GALNT13: variants seen among roughly 807,000 people sequenced by gnomAD.
GALNT13 encodes UDP-GalNAc:polypeptide N-acetylgalactosaminyltransferase 13.
In GALNT13, 28 loss-of-function variants were observed where a neutral mutation model predicts 64.2. The ratio of observed to expected loss-of-function variants is 0.44; its 90% CI spans 0.32 to 0.60. The LOEUF is 0.60. GALNT13 is among the 20% of genes least tolerant of loss of function. The pLI, the probability that GALNT13 is intolerant of heterozygous loss-of-function variation, is 0.05. For synonymous variants in GALNT13, 214 were observed against 224.6 expected (o/e 0.95, Z 0.42); for missense variants, 577 against 669.8 (o/e 0.86, Z 1.53).
chr2:153,360,579 C>A, the GALNT13 span, among the ~76,000 whole-genome samples: 1 of 152,190 alleles, frequency 6.6e-6, no homozygotes. Flanking sequence ...TTCCCCACAG[C>A]CCAACACACC....
At chr2:153,463,514 A>G in the GALNT13 span, among the ~76,000 whole-genome samples, 1 of 152,046 alleles carries the variant, frequency 6.6e-6, no homozygotes, top group South Asian at 2.1e-4. Flanking sequence ...TCACTAAGTG[A>G]GCCTGCAGAA....
the GALNT13 span, among the ~76,000 whole-genome samples, chr2:153,498,180 T>C: frequency 6.6e-6 from 1 of 152,274 alleles, no homozygotes; most frequent in Non-Finnish European, 1.5e-5. Context: ...TGGAATCACA[T>C]GGTCACCTGA....
the GALNT13 span, among the ~76,000 whole-genome samples, chr2:153,824,158 C>G: frequency 1.3e-5 from 2 of 151,330 alleles, no homozygotes; most frequent in African/African-American, 4.9e-5. Context: ...AGGCTATACA[C>G]TGTATATATA....
chr2:153,325,981 G>A, the GALNT13 span, among the ~76,000 whole-genome samples: 320 of 152,246 alleles, frequency 2.1e-3, 2 homozygotes, highest in African/African-American at 7.3e-3. Context: ...CTGTTGATTT[G>A]GGGTGGAGAG....
the GALNT13 span, among the ~76,000 whole-genome samples, chr2:153,212,437 A>G: frequency 6.6e-6 from 1 of 152,200 alleles, no homozygotes; most frequent in South Asian, 2.1e-4. Context: ...ATACTTATCA[A>G]TTAAGTCAAA....
chr2:153,998,498 T>G (rs184810553), intron 3 of GALNT13, among the ~76,000 whole-genome samples: 97 of 152,312 alleles, frequency 6.4e-4, no homozygotes, highest in African/African-American at 2.2e-3. Context: ...ATTGTTTGTT[T>G]TATTCTTGTA....
chr2:154,027,117 TTTTTACCTATCTAAACAACTA>T (rs1232254045), intron 3 of GALNT13, among the ~76,000 whole-genome samples: 2 of 152,196 alleles, frequency 1.3e-5, no homozygotes, highest in Non-Finnish European at 2.9e-5. Context: ...TATCATATTC[TTTTTACCTATCTAAACAACTA>T]TTTTACCTAT....
At chr2:153,505,038 G>A in the GALNT13 span, among the ~76,000 whole-genome samples, 4 of 152,026 alleles carry the variant, frequency 2.6e-5, no homozygotes, top group South Asian at 6.2e-4. Flanking sequence ...CAATTTTTTA[G>A]TTCCCATTTC....
the GALNT13 span, among the ~76,000 whole-genome samples, chr2:153,651,167 A>G: frequency 2.0e-5 from 3 of 152,210 alleles, no homozygotes; most frequent in Non-Finnish European, 2.9e-5. Context: ...ACCACAATAA[A>G]GTAACATTTG....
At chr2:153,868,598 G>C (rs1202059352), upstream of GALNT13, among the ~76,000 whole-genome samples, 1 of 152,138 alleles carries the variant, frequency 6.6e-6, no homozygotes, top group Non-Finnish European at 1.5e-5. Flanking sequence ...ATTTCAGCAA[G>C]ACATAACTAT....
chr2:153,640,283 C>G, the GALNT13 span, among the ~76,000 whole-genome samples: 2 of 152,108 alleles, frequency 1.3e-5, no homozygotes, highest in African/African-American at 4.8e-5. Context: ...ACTATTTCAT[C>G]CAGAGGTAAT....
At chr2:153,614,843 G>T in the GALNT13 span, among the ~76,000 whole-genome samples, 1 of 151,998 alleles carries the variant, frequency 6.6e-6, no homozygotes, top group South Asian at 2.1e-4. Flanking sequence ...GGAGTATTGG[G>T]CATCCATCCC....
In GALNT13 at chr2:154,154,867, CA is replaced by C. The variant is rs374241397; in HGVS notation, c.311+14366del. Among the ~76,000 whole-genome samples, 37 of 151,404 alleles carry C rather than the reference CA, an allele frequency of 2.4e-4. 1 individual carries two copies. The South Asian group carries it at 7.7e-3, about 31-fold the overall frequency. The stretch of plus-strand genomic sequence containing the variant: ...GTGACTTACTAGATATAAGGGAAGT[CA>C]AAATATGACTTTAATGTTTCAAATT... On this transcript the variant is annotated intron_variant, in intron 4 of 12. Coordinates refer to ENST00000392825, the MANE Select transcript of GALNT13 (RefSeq NM_052917.4).
the GALNT13 span, among the ~76,000 whole-genome samples, chr2:153,427,952 T>A: frequency 2.6e-5 from 4 of 152,212 alleles, no homozygotes; most frequent in African/African-American, 2.4e-5. Context: ...GTTAAGTGAA[T>A]AAATAAGTTT....
At chr2:153,123,153 CAGAGGCAGAGACAGGAG>C in the GALNT13 span, among the ~76,000 whole-genome samples, 3 of 152,212 alleles carry the variant, frequency 2.0e-5, no homozygotes, top group Non-Finnish European at 4.4e-5. Flanking sequence ...CATACAAAGA[CAGAGGCAGAGACAGGAG>C]AGATGCATCT....
chr2:153,759,921 A>T, the GALNT13 span, among the ~76,000 whole-genome samples: 1 of 152,112 alleles, frequency 6.6e-6, no homozygotes, highest in South Asian at 2.1e-4. Flanking sequence ...AAGCCATCAG[A>T]TCCTGAACAT....
At chr2:154,266,245 C>T (rs988912405) in intron 8 of GALNT13, among the ~76,000 whole-genome samples, 1 of 152,132 alleles carries the variant, frequency 6.6e-6, no homozygotes, top group East Asian at 1.9e-4. Flanking sequence ...ACTACATCTA[C>T]TTAACATTAT....
the GALNT13 span, among the ~76,000 whole-genome samples, chr2:153,544,118 G>A: frequency 0.011 from 1,697 of 152,148 alleles, 26 homozygotes; most frequent in African/African-American, 0.039. Flanking sequence ...TCAGCACAAC[G>A]TACAGAGAAA....
the GALNT13 span, among the ~76,000 whole-genome samples, chr2:153,854,443 T>G: frequency 2.0e-5 from 3 of 151,732 alleles, no homozygotes; most frequent in Admixed American, 6.6e-5. Flanking sequence ...TAGCCAGGCG[T>G]GGGGGTGCAC....
Sources: allele counts gnomAD v4.1 joint callset (sites outside exome capture counted in the v4.1 genomes callset), GRCh38; gene constraint gnomAD v4.1.1; transcripts MANE v1.5; gene names NCBI Gene and HGNC (gene_info 2026-07-23, HGNC 2026-07-21).